Variants in UBAC2 observed in about 807,000 individuals in gnomAD.
UBAC2 encodes ubiquitin-associated domain-containing protein 2.
In UBAC2, 26 loss-of-function variants were observed where a neutral mutation model predicts 44.0. The observed-to-expected ratio is 0.59, with a 90% confidence interval of 0.43 to 0.82. The LOEUF is 0.82. Ranked by LOEUF, UBAC2 falls within the 40% of genes least tolerant of loss-of-function variation. UBAC2 has a pLI of 0.00. For synonymous variants in UBAC2, 155 were observed against 154.3 expected (o/e 1.00, Z -0.04); for missense variants, 329 against 419.4 (o/e 0.78, Z 1.88).
At chr13:99,254,248 A>G (rs1252866030) in intron 4 of UBAC2, among the ~76,000 whole-genome samples, 2 of 152,248 alleles carry the variant, frequency 1.3e-5, no homozygotes, top group Non-Finnish European at 2.9e-5. Flanking sequence ...TAGAAATAGC[A>G]TCTCAGGTTA....
At chr13:99,242,663 C>T (rs1207886586) in intron 2 of UBAC2, among the ~76,000 whole-genome samples, 8 of 27,444 alleles carry the variant, frequency 2.9e-4, no homozygotes, top group Middle Eastern at 0.017. Flanking sequence ...CCGGACGGGG[C>T]GGCTGGCCGG....
chr13:99,321,562 C>CA, intron 6 of UBAC2, among the ~76,000 whole-genome samples: 1 of 152,248 alleles, frequency 6.6e-6, no homozygotes, highest in South Asian at 2.1e-4. Flanking sequence ...CCATCTGCCT[C>CA]AAAGTGCTGG....
rs774582362 is a variant in UBAC2 at position 99,295,390 on chromosome 13, C to T, written c.390-18707C>T. 6.4e-5 allele frequency: 103 copies of T among 1,613,892 alleles called. No individual in the cohort carries two copies. Among genetic ancestry groups the T allele is most frequent in the Non-Finnish European group, 2.3e-5 (27 of 1,179,980 alleles). On this transcript the variant is annotated intron_variant, in intron 4 of 8. Coordinates refer to ENST00000403766, the MANE Select transcript of UBAC2 (RefSeq NM_001144072.2). The surrounding 1 kb of genome is among the most constrained non-coding windows in gnomAD (Gnocchi z 4.1). ...GGTAAGGTGTGAAACAGAGAACAAACACAACAATAATAAGAATAATTGTGT... is the reference window on the plus strand; with the variant it reads ...GGTAAGGTGTGAAACAGAGAACAAATACAACAATAATAAGAATAATTGTGT...
rs2045611894 is a variant in UBAC2, at chr13:99,385,750, C to T, written c.*415C>T. The T allele has an allele frequency of 1.2e-5, 2 of 168,226 alleles. No homozygotes were observed. The highest frequency in any genetic ancestry group is 1.6e-4 in the South Asian group (1 of 6,192). The allele number at this position is 168,226 out of a possible 1,614,324, so 10.4% of individuals were successfully genotyped here. On this transcript the variant is annotated 3_prime_UTR_variant, in exon 9 of 9. Coordinates refer to ENST00000403766, the MANE Select transcript of UBAC2 (RefSeq NM_001144072.2). ...TTACTTCACAAAGGACATGTCAGAT[C>T]CTTCTTCATGGACTTTTTTAGTTAC...
At chr13:99,343,764 T>A (rs917709894) in intron 7 of UBAC2, among the ~76,000 whole-genome samples, 4 of 152,274 alleles carry the variant, frequency 2.6e-5, no homozygotes, top group Admixed American at 6.5e-5. Context: ...TGTCTCAGTT[T>A]TCTTCACATA....
intron 4 of UBAC2, chr13:99,255,082 T>C (rs201584591): frequency 1.9e-6 from 3 of 1,614,106 alleles, no homozygotes; most frequent in African/African-American, 2.7e-5. Flanking sequence ...CCAGGGATTG[T>C]AACTGTTCTC....
At chr13:99,244,385 A>T (rs2043355763) in intron 3 of UBAC2, 130 bp from the exon 4 acceptor site, 1 of 596,904 alleles carries the variant, frequency 1.7e-6, no homozygotes. Context: ...ATACACACAT[A>T]TGCATGTGTG....
chr13:99,315,021 C>G (rs1281964058), intron 5 of UBAC2, among the ~76,000 whole-genome samples: 1 of 152,186 alleles, frequency 6.6e-6, no homozygotes, highest in African/African-American at 2.4e-5. Flanking sequence ...TAACCGGATA[C>G]TGGCGTCACT....
In UBAC2 at chr13:99,368,688, A is replaced by AGAGTGTGTGTGT. The variant is rs765104174; in HGVS notation, c.927+783_927+784insAGTGTGTGTGTG. Among the ~76,000 whole-genome samples the AGAGTGTGTGTGT allele has an allele frequency of 1.3e-4, 19 of 146,698 alleles. No homozygotes were observed. The East Asian group carries it at 2.8e-3, about 22-fold the overall frequency. On this transcript the variant is annotated intron_variant, in intron 8 of 8. Transcript: ENST00000403766. ...CACTATCATCGTAAACTCATGAGAGAGTGTGTGTGTGTGTGTGTGTGTGTG... is the reference window on the plus strand; with the variant it reads ...CACTATCATCGTAAACTCATGAGAGAGAGTGTGTGTGTGTGTGTGTGTGTGTGTGTGTGTGTG...
chr13:99,266,070 G>T (rs1594069219), intron 4 of UBAC2, among the ~76,000 whole-genome samples: 1 of 152,112 alleles, frequency 6.6e-6, no homozygotes, highest in African/African-American at 2.4e-5. Flanking sequence ...ACCTACAGAT[G>T]ATTAGTGGGT....
intron 1 of UBAC2, among the ~76,000 whole-genome samples, chr13:99,213,979 T>G (rs35891357): frequency 0.05 from 7,535 of 151,808 alleles, 274 homozygotes; most frequent in Middle Eastern, 0.14. Flanking sequence ...CCACCACACC[T>G]GGCTAATTTT....
chr13:99,252,579 C>T (rs1468573962), intron 4 of UBAC2, among the ~76,000 whole-genome samples: 1 of 152,168 alleles, frequency 6.6e-6, no homozygotes, highest in African/African-American at 2.4e-5. Flanking sequence ...TATTAAAAGC[C>T]ATATGTGTTA....
At chr13:99,307,067 G>T (rs2138748184) in intron 4 of UBAC2, among the ~76,000 whole-genome samples, 1 of 152,150 alleles carries the variant, frequency 6.6e-6, no homozygotes, top group East Asian at 1.9e-4. Context: ...TTTTGTCATT[G>T]TGAGTTTATA....
At chr13:99,263,589 A>C (rs2043699173) in intron 4 of UBAC2, among the ~76,000 whole-genome samples, 1 of 152,224 alleles carries the variant, frequency 6.6e-6, no homozygotes. Context: ...AAACAGTTTA[A>C]GTATTAAAAT....
At chr13:99,243,999 A>C (rs2043350994) in intron 3 of UBAC2, 48 bp downstream of exon 3, 2 of 1,437,512 alleles carry the variant, frequency 1.4e-6, no homozygotes, top group South Asian at 1.4e-5. Flanking sequence ...GTAGAAAAAA[A>C]TTTTGTTTAA....
chr13:99,207,494 C>T (rs2042886588), intron 1 of UBAC2, among the ~76,000 whole-genome samples: 2 of 152,182 alleles, frequency 1.3e-5, no homozygotes, highest in Admixed American at 1.3e-4. Flanking sequence ...GTTCTCATCT[C>T]CCTTCACTTT....
At chr13:99,265,332 A>G (rs919091395) in intron 4 of UBAC2, among the ~76,000 whole-genome samples, 4 of 152,164 alleles carry the variant, frequency 2.6e-5, no homozygotes, top group Non-Finnish European at 5.9e-5. Flanking sequence ...CTGAGAAGGG[A>G]AGGAAGGAGG....
intron 1 of UBAC2, among the ~76,000 whole-genome samples, chr13:99,204,900 CCTTT>C (rs1336232687): frequency 1.0e-5 from 1 of 100,308 alleles, no homozygotes; most frequent in Non-Finnish European, 2.0e-5. Context: ...AGTTTCGTTT[CCTTT>C]TTTTTTTTTT....
chr13:99,280,608 C>A (rs1197086036), intron 4 of UBAC2, among the ~76,000 whole-genome samples: 1 of 152,212 alleles, frequency 6.6e-6, no homozygotes, highest in African/African-American at 2.4e-5. Context: ...ACTCTCTCAA[C>A]TGGATGCTTT....
Sources: allele counts gnomAD v4.1 joint callset (sites outside exome capture counted in the v4.1 genomes callset), GRCh38; gene constraint gnomAD v4.1.1; non-coding constraint Gnocchi (gnomAD v3.1); transcripts MANE v1.5; gene names NCBI Gene and HGNC (gene_info 2026-07-23, HGNC 2026-07-21).